Variants in PREPL observed in about 807,000 individuals in gnomAD.
The protein encoded by PREPL is prolyl endopeptidase-like.
Under a neutral mutation model 70.6 loss-of-function variants are expected in PREPL, and 77 were observed. The ratio of observed to expected loss-of-function variants is 1.09; its 90% CI spans 0.91 to 1.32. PREPL has a LOEUF of 1.32. Among genes scored for constraint, PREPL ranks in the 40% most tolerant of loss-of-function variants. The pLI is 0.00. For missense variants in PREPL, 1,002 were observed against 778.2 expected, an observed-to-expected ratio of 1.29 and a Z score of -3.42; for synonymous variants, 315 against 264.8, an observed-to-expected ratio of 1.19 and a Z score of -1.84.
At chr2:44,341,623 C>A (rs1457680680) in intron 5 of PREPL, among the ~76,000 whole-genome samples, 2 of 151,300 alleles carry the variant, frequency 1.3e-5, no homozygotes, top group African/African-American at 2.4e-5. Context: ...AGAGAATATA[C>A]GAAATATAAA....
rs1674455857 is a variant in PREPL, at chr2:44,334,676, G to T, written c.889-2020C>A. 2.6e-5 allele frequency among the ~76,000 whole-genome samples: 4 copies of T among 152,146 alleles called. No homozygotes were observed. In the South Asian group the frequency reaches 8.3e-4, roughly 32 times the overall value. On this transcript the variant is annotated intron_variant, in intron 7 of 13. Transcript: ENST00000409411. ...CTCTCCTGCCTCAGCCTCCAGAATA[G>T]CTCGGACTATAGGCACCTGCCACCA...
In PREPL at chr2:44,346,322, C is replaced by T; in HGVS notation, c.21G>A (p.Val7=). The T allele has an allele frequency of 6.2e-7, 1 of 1,612,232 alleles. No homozygotes were observed. MDAFEK[V]RTKLETQPQE... The stretch of plus-strand genomic sequence containing the variant: ...GTGGCTGTGTTTCTAATTTTGTTCT[C>T]ACTTTTTCAAATGCATCCATGTTTT... Residue 7 remains valine (V), a synonymous_variant, in exon 2 of 14, where the codon GTG becomes GTA. Coordinates refer to ENST00000409411, the MANE Select transcript of PREPL (RefSeq NM_001171613.2).
chr2:44,321,092 A>G lies in PREPL; in HGVS notation c.*264T>C, dbSNP rs969532454. 16 of 443,182 alleles carry G rather than the reference A, an allele frequency of 3.6e-5. No individual in the cohort carries two copies. The allele number at this position is 443,182 out of a possible 1,614,324, so 27.5% of individuals were successfully genotyped here. A position where few individuals can be genotyped will look rare whatever the true frequency, so the allele number is the denominator to read the frequency against. On this transcript the variant is annotated 3_prime_UTR_variant, in exon 14 of 14. Coordinates refer to ENST00000409411, the MANE Select transcript of PREPL (RefSeq NM_001171613.2). The stretch of plus-strand genomic sequence containing the variant: ...GAGGCCTGGAGCTCTGCTATCACCA[A>G]TCCTTCCCTTCCCTCTACTCCACAT...
chr2:44,334,026 G>A (rs1185068445), intron 7 of PREPL, among the ~76,000 whole-genome samples: 1 of 152,150 alleles, frequency 6.6e-6, no homozygotes, highest in Non-Finnish European at 1.5e-5. Flanking sequence ...AGTATTTTTG[G>A]TGTTTTTCTA....
chr2:44,338,324 G>A (rs767047193), intron 7 of PREPL, 27 bp downstream of exon 7: 1 of 1,576,634 alleles, frequency 6.3e-7, no homozygotes, highest in Non-Finnish European at 8.6e-7. Context: ...TTGATTAACA[G>A]TATTAACTTC....
intron 1 of PREPL, chr2:44,347,148 T>C (rs1299733449): frequency 6.6e-6 from 1 of 151,690 alleles, no homozygotes; most frequent in East Asian, 1.9e-4. Context: ...CTGGGCAACA[T>C]AGCGAGACCC....
At chr2:44,326,522 G>C (rs1312093302) in intron 10 of PREPL, among the ~76,000 whole-genome samples, 190 bp downstream of exon 10, 1 of 148,290 alleles carries the variant, frequency 6.7e-6, no homozygotes, top group East Asian at 2.0e-4. Flanking sequence ...ATTTCTTGCA[G>C]AGACAGGGTC....
chr2:44,326,170 A>G (rs1321307030), intron 10 of PREPL, among the ~76,000 whole-genome samples: 1 of 152,178 alleles, frequency 6.6e-6, no homozygotes, highest in Non-Finnish European at 1.5e-5. Context: ...TGTCCTTACA[A>G]ATACAAATGA....
At chr2:44,360,364 G>A (rs1572599329) in intron 1 of PREPL, 1 of 152,202 alleles carries the variant, frequency 6.6e-6, no homozygotes, top group East Asian at 1.9e-4. Flanking sequence ...CTGTGGCTGT[G>A]GGAGGTTCTA....
intron 1 of PREPL, among the ~76,000 whole-genome samples, chr2:44,353,326 G>A (rs757898025): frequency 3.9e-5 from 6 of 152,044 alleles, no homozygotes; most frequent in Non-Finnish European, 8.8e-5. Context: ...GCTCATGCCT[G>A]TAATCCCAGC....
Position 44,322,004 on chromosome 2 carries a change from T to C in PREPL, c.1754-104A>G, listed in dbSNP as rs182710656. On this transcript the variant is annotated intron_variant, in intron 12 of 13. Transcript: ENST00000409411. ...TTCTTTGAGTACTCAGTTCAAATAATAGTAAAGGAATAAAAAGCAAAAACC... is the reference window on the plus strand; with the variant it reads ...TTCTTTGAGTACTCAGTTCAAATAACAGTAAAGGAATAAAAAGCAAAAACC... The C allele has an allele frequency of 1.2e-5, 15 of 1,213,278 alleles. No individual in the cohort carries two copies. The East Asian group carries it at 2.7e-4, about 22-fold the overall frequency. The allele number at this position is 1,213,278 out of a possible 1,614,324, so 75.2% of individuals were successfully genotyped here. A position where few individuals can be genotyped will look rare whatever the true frequency, so the allele number is the denominator to read the frequency against.
chr2:44,356,006 G>T (rs1459217279), intron 1 of PREPL, among the ~76,000 whole-genome samples: 1 of 152,130 alleles, frequency 6.6e-6, no homozygotes, highest in Non-Finnish European at 1.5e-5. Flanking sequence ...TATCTGGATG[G>T]ATGGATGCTA....
At position 44,318,207 on chromosome 2, in the gene PREPL, C is replaced by A; in HGVS notation, c.*3149G>T. The A allele has an allele frequency of 2.5e-6, 1 of 397,904 alleles. No homozygotes were observed. The highest frequency in any genetic ancestry group is 1.8e-5 in the South Asian group (1 of 57,006). 24.6% of individuals were successfully genotyped at this position (397,904 alleles called of 1,614,324 possible). The stretch of plus-strand genomic sequence containing the variant: ...CTGGGTTCAAGTGATTCTCCTGCTG[C>A]AGCCTCCCAAGTAGCTGGGATTACA... On this transcript the variant is annotated 3_prime_UTR_variant, in exon 14 of 14. Coordinates refer to ENST00000409411, the MANE Select transcript of PREPL (RefSeq NM_001171613.2).
chr2:44,322,447 G>A (rs1049213795), intron 12 of PREPL, among the ~76,000 whole-genome samples: 1 of 152,156 alleles, frequency 6.6e-6, no homozygotes, highest in African/African-American at 2.4e-5. Context: ...ATTAATAATT[G>A]TATGGCAGTG....
chr2:44,322,162 C>G (rs1673031918), intron 12 of PREPL, among the ~76,000 whole-genome samples: 2 of 152,170 alleles, frequency 1.3e-5, no homozygotes, highest in South Asian at 4.1e-4. Context: ...AGGAGATCAT[C>G]AACCTGCCCT....
chr2:44,345,457 T>C (rs1215833814), intron 2 of PREPL, among the ~76,000 whole-genome samples: 1 of 152,106 alleles, frequency 6.6e-6, no homozygotes, highest in African/African-American at 2.4e-5. Flanking sequence ...GTTCAAGTGA[T>C]TCTCCTGCCT....
chr2:44,332,653 G>A lies in PREPL; in HGVS notation c.892C>T (p.Pro298Ser), dbSNP rs750964770. Residue 298 changes from proline to serine, a missense_variant, in exon 8 of 14, where the codon CCT (proline) becomes TCT (serine). Physicochemically the swap from Pro to Ser is moderately conservative, Grantham distance 74. Transcript: ENST00000409411. ...ADDSVRSLKL[P>S]PWACGFIMDT... The stretch of plus-strand genomic sequence containing the variant: ...ATTATGAATCCACAGGCCCAAGGAG[G>A]GAGCTAAAGAAATACAACAGCTATT... The A allele has an allele frequency of 8.1e-6, 13 of 1,605,018 alleles. No homozygotes were observed. In the Admixed American group the frequency reaches 1.9e-4, roughly 23 times the overall value.
intron 3 of PREPL, 118 bp downstream of exon 3, chr2:44,344,402 A>C (rs1413730170): frequency 1.2e-6 from 1 of 839,164 alleles, no homozygotes; most frequent in East Asian, 2.8e-5. Context: ...CATTAAAAAA[A>C]AATTCAGAAA....
chr2:44,318,776 TATTTA>T lies in PREPL; in HGVS notation c.*2575_*2579del, dbSNP rs1672664829. 3 of 152,210 alleles carry T rather than the reference TATTTA, an allele frequency of 2.0e-5. No individual in the cohort carries two copies. The highest frequency in any genetic ancestry group is 2.9e-5 in the Non-Finnish European group (2 of 68,032). The allele number at this position is 152,210 out of a possible 1,614,324, so 9.4% of individuals were successfully genotyped here. A position where few individuals can be genotyped will look rare whatever the true frequency, so the allele number is the denominator to read the frequency against. On this transcript the variant is annotated 3_prime_UTR_variant, in exon 14 of 14. Coordinates refer to ENST00000409411, the MANE Select transcript of PREPL (RefSeq NM_001171613.2). ...AAATTACAAAAATCAGGCTTGGAAG[TATTTA>T]ATAGCAGACAAAATATAGTTCAATA... is the stretch of plus-strand genomic sequence containing the variant.
Sources: allele counts gnomAD v4.1 joint callset (sites outside exome capture counted in the v4.1 genomes callset), GRCh38; gene constraint gnomAD v4.1.1; transcripts MANE v1.5; gene names NCBI Gene and HGNC (gene_info 2026-07-23, HGNC 2026-07-21).